Variants in SLC36A2 observed in about 807,000 individuals in gnomAD.
The protein encoded by SLC36A2 is solute carrier family 36 member 2, also known as proton-coupled amino acid transporter 2.
In SLC36A2, 39 loss-of-function variants were observed where a neutral mutation model predicts 42.7. That is an observed-to-expected ratio of 0.91 (90% CI 0.71 to 1.19). The LOEUF is 1.19. Ranked by LOEUF, SLC36A2 falls within the 50% of genes most tolerant of loss-of-function variation. SLC36A2 has a pLI of 0.00. For synonymous variants in SLC36A2, 237 were observed against 240.8 expected (o/e 0.98, Z 0.15); for missense variants, 590 against 613.7 (o/e 0.96, Z 0.41).
intron 7 of SLC36A2, chr5:151,332,587 T>C: frequency 2.9e-6 from 1 of 346,958 alleles, no homozygotes; most frequent in South Asian, 2.4e-5. Context: ...TAAAATGCAT[T>C]AGGCTAAGTA....
In SLC36A2 at chr5:151,343,667, T is replaced by C. The variant is rs1412806659; in HGVS notation, c.256-69A>G. On this transcript the variant is annotated intron_variant, in intron 2 of 9. Transcript: ENST00000335244. ...TGCATTTATGAAGAATACTGCAAGA[T>C]GGGCTTGGTAGTGCTGATATCATGC... is the stretch of plus-strand genomic sequence containing the variant. 4 of 1,426,718 alleles carry C rather than the reference T, an allele frequency of 2.8e-6. 1 individual carries two copies. The highest frequency in any genetic ancestry group is 3.5e-4 in the Middle Eastern group (2 of 5,766). 88.4% of individuals were successfully genotyped at this position (1,426,718 alleles called of 1,614,324 possible).
In SLC36A2 at chr5:151,333,272, G is replaced by T. The variant is rs1338384210; in HGVS notation, c.795C>A (p.Tyr265Ter). The T allele has an allele frequency of 1.9e-6, 3 of 1,614,072 alleles. No homozygotes were observed. Among genetic ancestry groups the T allele is most frequent in the Non-Finnish European group, 2.5e-6 (3 of 1,179,968 alleles). The change falls in exon 7 of 10, where the codon TAC (tyrosine) becomes TAA (stop). Residue 265 changes from tyrosine (Y) to a stop codon, truncating the protein, a stop_gained. Transcript: ENST00000335244. LOFTEE classifies it high-confidence loss of function. Reference protein sequence around the residue: ...RLPLVASWKTYPLFFGTAIFS... With the variant: ...RLPLVASWKT ...AAATGGCTGTTCCGAAGAAGAGAGG[G>T]TAGGTCTTCCAGCTTGCTACCAGTG...
chr5:151,343,337 G>A (rs1580865858), intron 3 of SLC36A2, among the ~76,000 whole-genome samples, 173 bp downstream of exon 3: 1 of 152,140 alleles, frequency 6.6e-6, no homozygotes, highest in Non-Finnish European at 1.5e-5. Flanking sequence ...ATCTCCTAAG[G>A]AGCCATGCAG....
intron 4 of SLC36A2, among the ~76,000 whole-genome samples, chr5:151,340,801 G>T (rs912615651): frequency 4.6e-5 from 7 of 152,306 alleles, no homozygotes; most frequent in Non-Finnish European, 1.0e-4. Flanking sequence ...AAGAGGTGTG[G>T]ATGGGATGTA....
intron 9 of SLC36A2, among the ~76,000 whole-genome samples, chr5:151,318,698 A>C (rs1484988557): frequency 6.6e-6 from 1 of 151,010 alleles, no homozygotes; most frequent in African/African-American, 2.4e-5. Context: ...ACTTGCAAAC[A>C]ATTAGAATAT....
chr5:151,345,950 C>T (rs1039590853), intron 1 of SLC36A2, among the ~76,000 whole-genome samples: 4 of 152,178 alleles, frequency 2.6e-5, no homozygotes, highest in Non-Finnish European at 5.9e-5. Flanking sequence ...AGAAACTGGA[C>T]ACAAAGAAGT....
At chr5:151,317,216 C>A in intron 9 of SLC36A2, 128 bp from the exon 10 acceptor site, 2 of 1,212,470 alleles carry the variant, frequency 1.6e-6, no homozygotes, top group Non-Finnish European at 2.3e-6. Context: ...CTTTGGGAGG[C>A]CTAGATGGGT....
chr5:151,325,473 A>G (rs1467116078), intron 7 of SLC36A2, 21 bp from the exon 8 acceptor site: 14 of 1,613,104 alleles, frequency 8.7e-6, no homozygotes, highest in Non-Finnish European at 1.0e-5. Context: ...ATCACAATGT[A>G]AGAAGGAGAA....
intron 7 of SLC36A2, among the ~76,000 whole-genome samples, chr5:151,329,325 G>A (rs1228615661): frequency 6.6e-6 from 1 of 152,204 alleles, no homozygotes; most frequent in African/African-American, 2.4e-5. Context: ...TAACTAGGTA[G>A]ATGGTTTGCT....
chr5:151,333,094 T>A, intron 7 of SLC36A2, 130 bp downstream of exon 7: 1 of 824,222 alleles, frequency 1.2e-6, no homozygotes, highest in Non-Finnish European at 2.1e-6. Context: ...GAGGTTACTT[T>A]CTCCCATGGG....
intron 4 of SLC36A2, among the ~76,000 whole-genome samples, chr5:151,339,772 T>A (rs993922443): frequency 4.6e-5 from 7 of 152,236 alleles, no homozygotes; most frequent in African/African-American, 1.7e-4. Context: ...AATGTTTTTA[T>A]TAGCTACCAT....
rs746608432 is a variant in SLC36A2 at position 151,335,369 on chromosome 5, A to C, written c.704T>G (p.Met235Arg). 4.3e-6 allele frequency: 7 copies of C among 1,613,956 alleles called. No homozygotes were observed. Among genetic ancestry groups the C allele is most frequent in the Non-Finnish European group, 5.9e-6 (7 of 1,180,002 alleles). ...TIFSMLANIS[M>R]LVSLVIIIQY... is the part of the protein sequence containing the mutation. ...TATGATGATGACCAAGCTGACCAGC[A>C]TGCTGATGTTGGCCAGCATGGAGAA... The change falls in exon 6 of 10, where the codon ATG becomes AGG. Residue 235 changes from methionine to arginine, a missense_variant. Physicochemically the swap from Met to Arg is moderately conservative, Grantham distance 91. Coordinates refer to ENST00000335244, the MANE Select transcript of SLC36A2 (RefSeq NM_181776.3).
At chr5:151,321,478 G>C (rs408125) in intron 9 of SLC36A2, among the ~76,000 whole-genome samples, 100,710 of 151,692 alleles carry the variant, frequency 0.66, 34,391 homozygotes, top group East Asian at 0.98. Context: ...GCCAGAGTGC[G>C]CAGCAAGTTC....
chr5:151,344,356 A>G, intron 1 of SLC36A2, 89 bp from the exon 2 acceptor site: 1 of 1,110,904 alleles, frequency 9.0e-7, no homozygotes, highest in Non-Finnish European at 1.3e-6. Context: ...AGCACCTGAT[A>G]GGCGGGCTCC....
In SLC36A2 at chr5:151,339,079, A is replaced by C; in HGVS notation, c.506T>G (p.Leu169Trp). 6.2e-7 allele frequency: 1 copy of C among 1,609,420 alleles called. No individual in the cohort carries two copies. Among genetic ancestry groups the C allele is most frequent in the South Asian group, 1.1e-5 (1 of 91,000 alleles). ...CTCTACCTGTTTTAAATTATCAGCCAAAAACACAATGTACACACAGCAGAA... is the reference window on the plus strand; with the variant it reads ...CTCTACCTGTTTTAAATTATCAGCCCAAAACACAATGTACACACAGCAGAA... ...LGFCCVYIVF[L>W]ADNLKQVVEA... The change falls in exon 5 of 10, where the codon TTG becomes TGG. Residue 169 changes from leucine (L) to tryptophan (W), a missense_variant. Physicochemically the swap from Leu to Trp is moderately conservative, Grantham distance 61. Coordinates refer to ENST00000335244, the MANE Select transcript of SLC36A2 (RefSeq NM_181776.3).
intron 8 of SLC36A2, among the ~76,000 whole-genome samples, chr5:151,323,633 G>A (rs533941903): frequency 5.9e-5 from 9 of 152,258 alleles, no homozygotes; most frequent in South Asian, 4.1e-4. Context: ...TTGACCTGCC[G>A]GACAAGGAGT....
intron 1 of SLC36A2, 121 bp from the exon 2 acceptor site, chr5:151,344,388 G>A: frequency 1.2e-6 from 1 of 830,078 alleles, no homozygotes; most frequent in Non-Finnish European, 2.0e-6. Context: ...CAGTCCATGA[G>A]TCCTTGCCTG....
intron 7 of SLC36A2, among the ~76,000 whole-genome samples, chr5:151,328,794 G>T (rs933336999): frequency 5.3e-5 from 8 of 152,330 alleles, no homozygotes; most frequent in Admixed American, 2.0e-4. Flanking sequence ...GGTTCCAGCA[G>T]AGTGTTAAAC....
At chr5:151,345,933 A>T (rs1756479364) in intron 1 of SLC36A2, among the ~76,000 whole-genome samples, 1 of 152,166 alleles carries the variant, frequency 6.6e-6, no homozygotes, top group Non-Finnish European at 1.5e-5. Context: ...ACTATCATTG[A>T]CAGAGGAGAA....
Sources: gnomAD v4.1 joint callset for allele counts (sites outside exome capture counted in the v4.1 genomes callset) on GRCh38, gnomAD v4.1.1 for gene constraint, MANE v1.5 for transcripts, NCBI Gene and HGNC (gene_info 2026-07-23, HGNC 2026-07-21) for gene names.